Variants in KIAA1549 observed in about 807,000 individuals in gnomAD.
KIAA1549 encodes UPF0606 protein KIAA1549.
Under a neutral mutation model 156.4 loss-of-function variants are expected in KIAA1549, and 70 were observed. That is an observed-to-expected ratio of 0.45 (90% confidence interval 0.37 to 0.55). KIAA1549 has a LOEUF of 0.55. KIAA1549 is among the 20% of genes least tolerant of loss of function. KIAA1549 has a pLI of 0.00. For missense variants in KIAA1549, 2,428 were observed against 2,540.9 expected, an observed-to-expected ratio of 0.96 and a Z score of 0.96; for synonymous variants, 1,103 against 1,066.4, an observed-to-expected ratio of 1.03 and a Z score of -0.67.
At chr7:138,852,110 T>C (rs1246871753) in intron 17 of KIAA1549, 113 bp downstream of exon 17, 2 of 656,050 alleles carry the variant, frequency 3.0e-6, no homozygotes, top group Non-Finnish European at 5.3e-6. Context: ...CAAGAGAATA[T>C]ACAACGCAGA....
chr7:138,900,837 C>T (rs575479502), intron 8 of KIAA1549, among the ~76,000 whole-genome samples: 13 of 152,260 alleles, frequency 8.5e-5, no homozygotes, highest in Non-Finnish European at 1.8e-4. Context: ...AAGCAGCCTG[C>T]GGCCCTCGCC....
chr7:138,958,200 G>A (rs1478224507), intron 1 of KIAA1549, among the ~76,000 whole-genome samples: 1 of 152,132 alleles, frequency 6.6e-6, no homozygotes, highest in African/African-American at 2.4e-5. Context: ...CACAAGAGGG[G>A]CCATCTGCGG....
chr7:138,920,393 C>T (rs1204792905), intron 1 of KIAA1549, among the ~76,000 whole-genome samples: 1 of 152,190 alleles, frequency 6.6e-6, no homozygotes, highest in African/African-American at 2.4e-5. Context: ...TTCCTAAGGA[C>T]AGGCATTGTT....
intron 3 of KIAA1549, among the ~76,000 whole-genome samples, chr7:138,911,749 G>A (rs763088427): frequency 6.6e-6 from 1 of 152,134 alleles, no homozygotes; most frequent in Non-Finnish European, 1.5e-5. Flanking sequence ...ATTTCAACAT[G>A]AAGTCAATAC....
intron 15 of KIAA1549, among the ~76,000 whole-genome samples, chr7:138,862,219 G>A (rs1810605770): frequency 6.6e-6 from 1 of 152,124 alleles, no homozygotes; most frequent in African/African-American, 2.4e-5. Context: ...TGTGGGCTGG[G>A]TGCAGTGGCT....
chr7:138,854,959 G>A (rs1240676629), intron 16 of KIAA1549, among the ~76,000 whole-genome samples: 3 of 152,176 alleles, frequency 2.0e-5, no homozygotes, highest in African/African-American at 7.2e-5. Flanking sequence ...TACACACTGA[G>A]AAAAGCAGTG....
intron 1 of KIAA1549, among the ~76,000 whole-genome samples, chr7:138,921,648 T>C (rs1158795386): frequency 6.6e-6 from 1 of 152,066 alleles, no homozygotes; most frequent in Non-Finnish European, 1.5e-5. Flanking sequence ...GGGCGGATCA[T>C]GAGGTCAGGA....
intron 19 of KIAA1549, among the ~76,000 whole-genome samples, chr7:138,839,114 G>C (rs561160612): frequency 1.3e-5 from 2 of 152,172 alleles, no homozygotes; most frequent in Non-Finnish European, 2.9e-5. Context: ...AGATACCTGA[G>C]ACTCTAAGTA....
chr7:138,878,557 T>C (rs945939326), intron 12 of KIAA1549, among the ~76,000 whole-genome samples: 1 of 152,100 alleles, frequency 6.6e-6, no homozygotes, highest in Non-Finnish European at 1.5e-5. Context: ...GTCAAGGAGT[T>C]CAAGACCAGC....
Position 138,957,452 on chromosome 7 carries a change from T to G in KIAA1549, c.187+23631A>C, listed in dbSNP as rs932385665. Among the ~76,000 whole-genome samples, 7 of 39,746 alleles carry G rather than the reference T, an allele frequency of 1.8e-4. 1 individual carries two copies. In the South Asian group the frequency reaches 7.3e-3, roughly 41 times the overall value. The allele number at this position is 39,746 out of a possible 152,430, so 26.1% of individuals were successfully genotyped here. ...CTTCCCCTCCCCCTCCCCCTCCCCC[T>G]CCTTCTCCTTCTTCTTCTTCTTCTT... On this transcript the variant is annotated intron_variant, in intron 1 of 19. Transcript: ENST00000422774.
Position 138,919,265 on chromosome 7 carries a change from C to T in KIAA1549, c.361G>A (p.Ala121Thr). 6.2e-7 allele frequency: 1 copy of T among 1,613,988 alleles called. No homozygotes were observed. The highest frequency in any genetic ancestry group is 1.1e-5 in the South Asian group (1 of 91,074). ...APPSATTFDT[A>T]FFNQGKQTKS... ...GTCTGTTTTCCTTGGTTAAAAAAGG[C>T]TGTATCAAAAGTAGTGGCAGACGGC... The change falls in exon 2 of 20, where the codon GCC (alanine) becomes ACC (threonine). Residue 121 changes from alanine to threonine, a missense_variant. Ala to Thr is a moderately conservative substitution (Grantham distance 58). Transcript: ENST00000422774.
At chr7:138,847,730 A>C (rs1395639800) in intron 17 of KIAA1549, among the ~76,000 whole-genome samples, 1 of 152,208 alleles carries the variant, frequency 6.6e-6, no homozygotes, top group Admixed American at 6.5e-5. Context: ...GGCCCTTTGC[A>C]TTTCCAGATA....
At chr7:138,857,516 C>A (rs1354128493) in intron 16 of KIAA1549, among the ~76,000 whole-genome samples, 1 of 152,168 alleles carries the variant, frequency 6.6e-6, no homozygotes, top group South Asian at 2.1e-4. Context: ...AAAGAGACTG[C>A]CAAACTGTTT....
intron 1 of KIAA1549, among the ~76,000 whole-genome samples, chr7:138,954,714 G>A (rs78597317): frequency 6.6e-6 from 1 of 152,120 alleles, no homozygotes; most frequent in East Asian, 1.9e-4. Context: ...TCTGCCGCTC[G>A]TGGAGAGGTA....
intron 1 of KIAA1549, among the ~76,000 whole-genome samples, chr7:138,980,337 C>T (rs533818614): frequency 6.6e-6 from 1 of 152,324 alleles, no homozygotes; most frequent in South Asian, 2.1e-4. Flanking sequence ...TCATTTCTTC[C>T]ACAACAAAAC....
chr7:138,845,427 A>G (rs1439701614), intron 17 of KIAA1549, among the ~76,000 whole-genome samples: 1 of 152,184 alleles, frequency 6.6e-6, no homozygotes, highest in African/African-American at 2.4e-5. Context: ...ATCTTAAAAA[A>G]ATATTGCAGG....
At chr7:138,937,653 C>T (rs376074394) in intron 1 of KIAA1549, among the ~76,000 whole-genome samples, 2 of 152,164 alleles carry the variant, frequency 1.3e-5, no homozygotes, top group South Asian at 2.1e-4. Context: ...GAGGGGGTGG[C>T]GAGCACAGTG....
At chr7:138,963,461 G>A (rs113958929) in intron 1 of KIAA1549, among the ~76,000 whole-genome samples, 3,524 of 152,272 alleles carry the variant, frequency 0.023, 67 homozygotes, top group Admixed American at 0.039. Flanking sequence ...GGGAGTAGAG[G>A]AACCTGAAGG....
intron 15 of KIAA1549, among the ~76,000 whole-genome samples, chr7:138,863,011 T>C (rs1054546984): frequency 2.0e-5 from 3 of 152,134 alleles, no homozygotes; most frequent in Non-Finnish European, 4.4e-5. Flanking sequence ...TAAGTAACAA[T>C]AAAGATTTTT....
Sources: gnomAD v4.1 joint callset for allele counts (sites outside exome capture counted in the v4.1 genomes callset) on GRCh38, gnomAD v4.1.1 for gene constraint, MANE v1.5 for transcripts, NCBI Gene and HGNC (gene_info 2026-07-23, HGNC 2026-07-21) for gene names.